Variants in SF3B3 observed in about 807,000 individuals in gnomAD.
The protein encoded by SF3B3 is SAP 130.
In SF3B3, 33 loss-of-function variants were observed where a neutral mutation model predicts 139.2. The ratio of observed to expected loss-of-function variants is 0.24; its 90% CI spans 0.18 to 0.32. The LOEUF is 0.32. Ranked by LOEUF, SF3B3 falls within the 10% of genes least tolerant of loss-of-function variation. SF3B3 has a pLI of 1.00. For synonymous variants in SF3B3, 596 were observed against 563.6 expected (o/e 1.06, Z -0.81); for missense variants, 818 against 1,509.4 (o/e 0.54, Z 7.59).
intron 4 of SF3B3, among the ~76,000 whole-genome samples, chr16:70,531,632 T>C (rs1049071545): frequency 6.6e-6 from 1 of 152,212 alleles, no homozygotes; most frequent in Non-Finnish European, 1.5e-5. Flanking sequence ...TCCAAATGCC[T>C]TACTGAAATT....
chr16:70,571,901 A>T lies in SF3B3; in HGVS notation c.*88A>T. On this transcript the variant is annotated 3_prime_UTR_variant, in exon 26 of 26. Coordinates refer to ENST00000302516, the MANE Select transcript of SF3B3 (RefSeq NM_012426.5). ...TGCCACCTGGCTTCTGCCATGTGGC[A>T]GGAGGGTGACTGGATAATTAAGACT... 2 of 1,474,572 alleles carry T rather than the reference A, an allele frequency of 1.4e-6. No homozygotes were observed. Among genetic ancestry groups the T allele is most frequent in the Non-Finnish European group, 1.8e-6 (2 of 1,085,680 alleles). The allele number at this position is 1,474,572 out of a possible 1,614,324, so 91.3% of individuals were successfully genotyped here.
rs187470994 is a variant in SF3B3 at position 70,550,551 on chromosome 16, T to C, written c.1402+2109T>C. On this transcript the variant is annotated intron_variant, in intron 11 of 25. Coordinates refer to ENST00000302516, the MANE Select transcript of SF3B3 (RefSeq NM_012426.5). ...AAGTTACTATTGAGTGAACATTCCT[T>C]CTGCCTGCACATGCAGCAGTCTTCC... 61 of 472,122 alleles carry C rather than the reference T, an allele frequency of 1.3e-4. No individual in the cohort carries two copies. The Middle Eastern group carries it at 6.4e-3, about 50-fold the overall frequency. The allele number at this position is 472,122 out of a possible 1,614,324, so 29.2% of individuals were successfully genotyped here.
At chr16:70,525,228 G>T (rs1450582567) in intron 1 of SF3B3, among the ~76,000 whole-genome samples, 1 of 151,756 alleles carries the variant, frequency 6.6e-6, no homozygotes, top group Non-Finnish European at 1.5e-5. Context: ...GGTTTTCACT[G>T]TGTTGGCCAG....
chr16:70,541,407 G>T (rs2050218003), intron 8 of SF3B3, among the ~76,000 whole-genome samples: 1 of 152,138 alleles, frequency 6.6e-6, no homozygotes, highest in Admixed American at 6.5e-5. Context: ...ATGCACAAAA[G>T]TTTTAAATTT....
rs368917176 is a variant in SF3B3 at position 70,571,213 on chromosome 16, A to G, written c.3513+14A>G. The G allele has an allele frequency of 2.6e-6, 4 of 1,555,346 alleles. No individual in the cohort carries two copies. Among genetic ancestry groups the G allele is most frequent in the African/African-American group, 2.7e-5 (2 of 73,774 alleles). Reference sequence around the variant, plus strand: ...TTCCCTGTGAAGGTAGGTTGGGGGAATCTGAGCTGAAAAGGGAGATCTGAG... The same window carrying G: ...TTCCCTGTGAAGGTAGGTTGGGGGAGTCTGAGCTGAAAAGGGAGATCTGAG... On this transcript the variant is annotated intron_variant, in intron 25 of 25. Coordinates refer to ENST00000302516, the MANE Select transcript of SF3B3 (RefSeq NM_012426.5).
chr16:70,540,352 G>A (rs1189312518), intron 8 of SF3B3, among the ~76,000 whole-genome samples: 3 of 149,830 alleles, frequency 2.0e-5, no homozygotes, highest in Non-Finnish European at 4.4e-5. Flanking sequence ...GTGTGCCACC[G>A]TGCCCAGCCG....
intron 5 of SF3B3, among the ~76,000 whole-genome samples, chr16:70,533,132 G>A (rs576349654): frequency 5.1e-4 from 77 of 152,260 alleles, no homozygotes; most frequent in Non-Finnish European, 8.1e-4. Context: ...AAAAGATTGA[G>A]GTCCAGGATT....
At position 70,572,384 on chromosome 16, in the gene SF3B3, C is replaced by G; in HGVS notation, c.*571C>G. 4.7e-6 allele frequency: 1 copy of G among 213,364 alleles called. No individual in the cohort carries two copies. The highest frequency in any genetic ancestry group is 6.1e-5 in the South Asian group (1 of 16,396). The allele number at this position is 213,364 out of a possible 1,614,324, so 13.2% of individuals were successfully genotyped here. A position where few individuals can be genotyped will look rare whatever the true frequency, so the allele number is the denominator to read the frequency against. On this transcript the variant is annotated 3_prime_UTR_variant, in exon 26 of 26. Coordinates refer to ENST00000302516, the MANE Select transcript of SF3B3 (RefSeq NM_012426.5). ...TAGAGCAGGAAGAACTGAGTAGACTCCTTCCTTCCAGATACCGACTTGGAC... is the reference window on the plus strand; with the variant it reads ...TAGAGCAGGAAGAACTGAGTAGACTGCTTCCTTCCAGATACCGACTTGGAC...
At chr16:70,543,544 C>G (rs925761651) in intron 9 of SF3B3, among the ~76,000 whole-genome samples, 2 of 151,230 alleles carry the variant, frequency 1.3e-5, no homozygotes, top group Non-Finnish European at 1.5e-5. Context: ...CCCGTCTCTA[C>G]TAAAAATAAA....
intron 18 of SF3B3, 22 bp downstream of exon 18, chr16:70,564,072 G>T (rs1190266630): frequency 3.7e-6 from 6 of 1,608,208 alleles, no homozygotes; most frequent in Non-Finnish European, 5.1e-6. Flanking sequence ...AACGTTCAGG[G>T]GTTCTATTAA....
intron 10 of SF3B3, 55 bp from the exon 11 acceptor site, chr16:70,548,315 C>T: frequency 7.3e-7 from 1 of 1,378,128 alleles, no homozygotes; most frequent in Non-Finnish European, 1.0e-6. Flanking sequence ...TGATTGTAAG[C>T]AGGTAGCTGA....
rs1349785247 is a variant in SF3B3 at position 70,575,872 on chromosome 16, T to G, written c.*4059T>G. On this transcript the variant is annotated 3_prime_UTR_variant, in exon 26 of 26. Coordinates refer to ENST00000302516, the MANE Select transcript of SF3B3 (RefSeq NM_012426.5). ...GGAAACCTGTAGTTGTGGCTCATAA[T>G]CCTAGTGGGATATTAGAACCCTCTT... 2 of 152,228 alleles carry G rather than the reference T, an allele frequency of 1.3e-5. No individual in the cohort carries two copies. The highest frequency in any genetic ancestry group is 4.8e-5 in the African/African-American group (2 of 41,454). 9.4% of individuals were successfully genotyped at this position (152,228 alleles called of 1,614,324 possible). A position where few individuals can be genotyped will look rare whatever the true frequency, so the allele number is the denominator to read the frequency against.
Position 70,541,814 on chromosome 16 carries a change from T to G in SF3B3, c.1213T>G (p.Ser405Ala). ...LVLVDELDSL[S>A]PILFCQIADL... ...GCTGGTTGATGAGTTGGACAGCCTC[T>G]CTCCCATTCTGTTTTGCCAGGTTGG... Residue 405 changes from serine to alanine, a missense_variant, in exon 9 of 26, where the codon TCT (serine) becomes GCT (alanine). Coordinates refer to ENST00000302516, the MANE Select transcript of SF3B3 (RefSeq NM_012426.5). 5 of 1,613,916 alleles carry G rather than the reference T, an allele frequency of 3.1e-6. No individual in the cohort carries two copies. The highest frequency in any genetic ancestry group is 4.2e-6 in the Non-Finnish European group (5 of 1,179,872).
intron 6 of SF3B3, among the ~76,000 whole-genome samples, chr16:70,536,930 C>T (rs1445708110): frequency 6.6e-6 from 1 of 151,552 alleles, no homozygotes; most frequent in African/African-American, 2.4e-5. Flanking sequence ...TCCATCTCAG[C>T]CTCCCAAGTA....
chr16:70,541,565 G>T, intron 8 of SF3B3, 104 bp from the exon 9 acceptor site: 1 of 885,448 alleles, frequency 1.1e-6, no homozygotes. Context: ...AATAACAATA[G>T]TATCTTAATA....
intron 15 of SF3B3, among the ~76,000 whole-genome samples, chr16:70,557,615 T>C (rs1407685446): frequency 6.6e-6 from 1 of 152,230 alleles, no homozygotes; most frequent in Non-Finnish European, 1.5e-5. Flanking sequence ...ACTAATACAG[T>C]GAACTTCCAT....
At chr16:70,544,305 C>G in intron 9 of SF3B3, 133 bp from the exon 10 acceptor site, 1 of 621,894 alleles carries the variant, frequency 1.6e-6, no homozygotes, top group South Asian at 1.9e-5. Context: ...ACAGATCATT[C>G]ACCTCTTTTC....
At chr16:70,548,117 G>C (rs1314729404) in intron 10 of SF3B3, among the ~76,000 whole-genome samples, 1 of 152,178 alleles carries the variant, frequency 6.6e-6, no homozygotes, top group Admixed American at 6.5e-5. Flanking sequence ...TTGAAGGAAA[G>C]GGGTATGGTT....
rs1212320884 is a variant in SF3B3, at chr16:70,575,810, G to C, written c.*3997G>C. Reference sequence around the variant, plus strand: ...CCAAGTCTGAAAAATGAAGAGGTGGGGAGTGGGCAGCAGGGGTTTTAGGTC... The same window carrying C: ...CCAAGTCTGAAAAATGAAGAGGTGGCGAGTGGGCAGCAGGGGTTTTAGGTC... On this transcript the variant is annotated 3_prime_UTR_variant, in exon 26 of 26. Transcript: ENST00000302516. 6.6e-6 allele frequency: 1 copy of C among 152,274 alleles called. No homozygotes were observed. The highest frequency in any genetic ancestry group is 2.4e-5 in the African/African-American group (1 of 41,462). The allele number at this position is 152,274 out of a possible 1,614,324, so 9.4% of individuals were successfully genotyped here.
Sources: allele counts gnomAD v4.1 joint callset (sites outside exome capture counted in the v4.1 genomes callset), GRCh38; gene constraint gnomAD v4.1.1; transcripts MANE v1.5; gene names NCBI Gene and HGNC (gene_info 2026-07-23, HGNC 2026-07-21).